TMCO1: variants seen among roughly 807,000 people sequenced by gnomAD.
TMCO1 encodes the protein transmembrane and coiled-coil domains 1, also known as calcium load-activated calcium channel.
Under a neutral mutation model 29.3 loss-of-function variants are expected in TMCO1, and 29 were observed. The observed-to-expected ratio is 0.99, with a 90% CI of 0.74 to 1.35. The LOEUF (loss-of-function observed/expected upper bound fraction) is 1.35. Ranked by LOEUF, TMCO1 falls within the 40% of genes most tolerant of loss-of-function variation. TMCO1 has a pLI of 0.00. For missense variants in TMCO1, 173 were observed against 225.5 expected, an observed-to-expected ratio of 0.77 and a Z score of 1.49; for synonymous variants, 80 against 77.1, an observed-to-expected ratio of 1.04 and a Z score of -0.20.
intron 3 of TMCO1, 84 bp downstream of exon 3, chr1:165,759,441 A>G: frequency 1.1e-6 from 1 of 948,364 alleles, no homozygotes; most frequent in Non-Finnish European, 1.7e-6. Flanking sequence ...AGTTATCACT[A>G]TTAATAATTT....
At chr1:165,740,741 T>C (rs1439417637) in intron 6 of TMCO1, among the ~76,000 whole-genome samples, 1 of 152,212 alleles carries the variant, frequency 6.6e-6, no homozygotes, top group Non-Finnish European at 1.5e-5. Context: ...ATTAATGTCA[T>C]TATCACTGGA....
chr1:165,737,968 T>C (rs183048602), intron 6 of TMCO1, among the ~76,000 whole-genome samples: 278 of 152,282 alleles, frequency 1.8e-3, no homozygotes, highest in Non-Finnish European at 2.8e-3. Context: ...GTAGTCCCTA[T>C]ATCCATTACA....
chr1:165,758,926 C>T (rs1366666698), intron 3 of TMCO1, among the ~76,000 whole-genome samples: 1 of 152,158 alleles, frequency 6.6e-6, no homozygotes, highest in Non-Finnish European at 1.5e-5. Flanking sequence ...AACAAATACA[C>T]AATCTCATAA....
Position 165,763,374 on chromosome 1 carries a change from T to A in TMCO1, c.149-3790A>T, listed in dbSNP as rs76915027. On this transcript the variant is annotated intron_variant, in intron 2 of 6. Transcript: ENST00000367881. ...GAATTTGTGGCCGCTCATTTCATAT[T>A]GTACTTACTACAGTAAACTAAACAC... Among the ~76,000 whole-genome samples, 963 of 152,312 alleles carry A rather than the reference T, an allele frequency of 6.3e-3. 14 individuals carry two copies. Among genetic ancestry groups the A allele is most frequent in the African/African-American group, 0.021 (870 of 41,574 alleles).
chr1:165,767,681 CTCT>C lies in TMCO1; in HGVS notation c.148+508_148+510del, dbSNP rs571876839. ...ATGGTTCCTCACAACTGAATGAAGC[CTCT>C]TCTTCTTTTTTTTTTAAAGACAAGT... On this transcript the variant is annotated intron_variant, in intron 2 of 6. Coordinates refer to ENST00000367881, the MANE Select transcript of TMCO1 (RefSeq NM_019026.6). Among the ~76,000 whole-genome samples the C allele has an allele frequency of 4.0e-4, 61 of 152,214 alleles. No homozygotes were observed. The South Asian group carries it at 6.0e-3, about 15-fold the overall frequency.
intron 6 of TMCO1, among the ~76,000 whole-genome samples, chr1:165,731,455 T>C (rs1012346911): frequency 6.6e-6 from 1 of 152,198 alleles, no homozygotes; most frequent in Non-Finnish European, 1.5e-5. Context: ...TACAGTAATA[T>C]AGCCTAGACA....
At chr1:165,743,039 T>G in intron 6 of TMCO1, 128 bp downstream of exon 6, 4 of 1,159,576 alleles carry the variant, frequency 3.4e-6, no homozygotes, top group Non-Finnish European at 5.0e-6. Context: ...TACACTGAAA[T>G]TCTAAAATGA....
At chr1:165,746,256 C>T (rs1485673870) in intron 5 of TMCO1, among the ~76,000 whole-genome samples, 1 of 149,960 alleles carries the variant, frequency 6.7e-6, no homozygotes, top group African/African-American at 2.5e-5. Context: ...TCGTAGTGAG[C>T]CGAGATTGTG....
At chr1:165,757,909 T>G (rs968284643) in intron 3 of TMCO1, among the ~76,000 whole-genome samples, 5 of 152,256 alleles carry the variant, frequency 3.3e-5, no homozygotes, top group African/African-American at 4.8e-5. Flanking sequence ...GTTGCCAATT[T>G]AAGGACAGAG....
chr1:165,754,244 T>C lies in TMCO1; in HGVS notation c.239A>G (p.Asn80Ser), dbSNP rs1483437354. ...ERQEEKLKNN[N>S]RDLSMVRMKS... Reference sequence around the variant, plus strand: ...GTCTCTTACCATTGATAGATCTCTGTTGTTATTCTTCAGTTTCTCTTCTTG... The same window carrying C: ...GTCTCTTACCATTGATAGATCTCTGCTGTTATTCTTCAGTTTCTCTTCTTG... The change falls in exon 4 of 7, where the codon AAC becomes AGC. Residue 80 changes from asparagine to serine, a missense_variant. Physicochemically the swap from Asn to Ser is conservative, Grantham distance 46. Coordinates refer to ENST00000367881, the MANE Select transcript of TMCO1 (RefSeq NM_019026.6). 6.2e-7 allele frequency: 1 copy of C among 1,611,286 alleles called. No individual in the cohort carries two copies. Among genetic ancestry groups the C allele is most frequent in the Non-Finnish European group, 8.5e-7 (1 of 1,177,744 alleles).
intron 2 of TMCO1, among the ~76,000 whole-genome samples, 158 bp downstream of exon 2, chr1:165,768,034 T>C (rs1369808737): frequency 2.0e-5 from 3 of 152,220 alleles, no homozygotes; most frequent in East Asian, 3.8e-4. Context: ...TTCCCTCTAG[T>C]TGGTATTACA....
intron 5 of TMCO1, among the ~76,000 whole-genome samples, chr1:165,750,026 C>T (rs73022554): frequency 0.013 from 2,016 of 152,108 alleles, 53 homozygotes; most frequent in African/African-American, 0.047. Context: ...TAAGCAGATA[C>T]ATCATAATTT....
Position 165,727,539 on chromosome 1 carries a change from T to C in TMCO1, c.*484A>G, listed in dbSNP as rs138477165. 6,571 of 453,662 alleles carry C rather than the reference T, an allele frequency of 0.014. 116 individuals are homozygous for C. Among genetic ancestry groups the C allele is most frequent in the South Asian group, 0.038 (2,472 of 64,456 alleles). 28.1% of individuals were successfully genotyped at this position (453,662 alleles called of 1,614,324 possible). A position where few individuals can be genotyped will look rare whatever the true frequency, so the allele number is the denominator to read the frequency against. On this transcript the variant is annotated 3_prime_UTR_variant, in exon 7 of 7. Transcript: ENST00000367881. ...AAACAAAATGAAACAGATCTCTCCT[T>C]GTACATAAAACAGCTAAAAATTTGG...
At position 165,746,079 on chromosome 1, in the gene TMCO1, A is replaced by G. The variant is rs1432686792; in HGVS notation, c.324-2768T>C. ...GGTGGATCACGAGGTCAGGAGTTTG[A>G]GACCAGCCTGGCCAATATGGTGGAA... On this transcript the variant is annotated intron_variant, in intron 5 of 6. Transcript: ENST00000367881. 2.6e-5 allele frequency among the ~76,000 whole-genome samples: 4 copies of G among 152,078 alleles called. No individual in the cohort carries two copies. The East Asian group carries it at 5.8e-4, about 22-fold the overall frequency.
chr1:165,746,276 T>C (rs1651791736), intron 5 of TMCO1, among the ~76,000 whole-genome samples: 1 of 143,406 alleles, frequency 7.0e-6, no homozygotes, highest in Non-Finnish European at 1.5e-5. Context: ...GCCACTGCAC[T>C]CCAGCCTGGG....
chr1:165,768,659 G>C (rs1652673582), intron 1 of TMCO1, 23 bp downstream of exon 1: 1 of 1,613,918 alleles, frequency 6.2e-7, no homozygotes, highest in South Asian at 1.1e-5. Flanking sequence ...CTGATCAAAC[G>C]TCTGAGAAAT....
intron 3 of TMCO1, among the ~76,000 whole-genome samples, chr1:165,754,665 T>C (rs187158055): frequency 1.1e-4 from 17 of 152,326 alleles, no homozygotes; most frequent in African/African-American, 3.4e-4. Context: ...TTTCAATTTC[T>C]CTAAAATGGC....
At chr1:165,755,820 C>T (rs1328895981) in intron 3 of TMCO1, among the ~76,000 whole-genome samples, 4 of 152,068 alleles carry the variant, frequency 2.6e-5, no homozygotes, top group Non-Finnish European at 5.9e-5. Context: ...TTTATAACAC[C>T]CTCTGTCCTA....
chr1:165,768,452 T>C, intron 1 of TMCO1, 183 bp from the exon 2 acceptor site: 5 of 1,526,212 alleles, frequency 3.3e-6, no homozygotes, highest in Non-Finnish European at 4.4e-6. Flanking sequence ...GATGTGAAGG[T>C]GTCTCCACAA....
Sources: allele counts gnomAD v4.1 joint callset (sites outside exome capture counted in the v4.1 genomes callset), GRCh38; gene constraint gnomAD v4.1.1; transcripts MANE v1.5; gene names NCBI Gene and HGNC (gene_info 2026-07-23, HGNC 2026-07-21).